OR14I1: variants seen among roughly 807,000 people sequenced by gnomAD.
OR14I1 encodes olfactory receptor 14I1.
For synonymous variants in OR14I1, 118 were observed against 71.1 expected (o/e 1.66, Z -3.32); for missense variants, 279 against 181.8 (o/e 1.53, Z -3.07).
At chr1:248,678,539 A>G (rs1661512862), downstream of OR14I1, among the ~76,000 whole-genome samples, 1 of 152,246 alleles carries the variant, frequency 6.6e-6, no homozygotes, top group South Asian at 2.1e-4. Context: ...ACAAACAGGA[A>G]GTCTCAAAGG....
At chr1:248,680,911 T>C (rs371687706), downstream of OR14I1, among the ~76,000 whole-genome samples, 51 of 152,088 alleles carry the variant, frequency 3.4e-4, no homozygotes, top group Non-Finnish European at 5.3e-4. Context: ...ATAACCCTTC[T>C]GCTTGTTTTA....
chr1:248,694,146 A>G, the OR14I1 span, among the ~76,000 whole-genome samples: 2 of 152,176 alleles, frequency 1.3e-5, no homozygotes, highest in African/African-American at 2.4e-5. Flanking sequence ...TAACCAGGTG[A>G]CCACTTGTTT....
At chr1:248,695,856 CACAAA>C in the OR14I1 span, among the ~76,000 whole-genome samples, 37 of 152,328 alleles carry the variant, frequency 2.4e-4, no homozygotes, top group Admixed American at 6.5e-4. Context: ...CTTTTACTTA[CACAAA>C]TGTGTCCTCA....
At chr1:248,689,977 A>G in the OR14I1 span, among the ~76,000 whole-genome samples, 18 of 152,362 alleles carry the variant, frequency 1.2e-4, 2 homozygotes, top group South Asian at 3.5e-3. Flanking sequence ...CTGAATGACT[A>G]CTAGGTAACT....
chr1:248,681,910 G>A (rs781171738), exon 1 of OR14I1: 2 of 781,048 alleles, frequency 2.6e-6, no homozygotes, highest in Admixed American at 3.4e-5. Context: ...TGTCATCACG[G>A]CTCTGTATTG....
chr1:248,697,854 T>C, the OR14I1 span, among the ~76,000 whole-genome samples: 2 of 152,236 alleles, frequency 1.3e-5, no homozygotes, highest in South Asian at 4.1e-4. Context: ...GTTGAAATTT[T>C]CAAAATAAGA....
downstream of OR14I1, among the ~76,000 whole-genome samples, chr1:248,679,353 C>T (rs59731000): frequency 0.14 from 21,406 of 151,380 alleles, 1,593 homozygotes; most frequent in African/African-American, 0.18. Flanking sequence ...AGAGGGCTTC[C>T]GTGATGGTGA....
At chr1:248,697,738 G>T in the OR14I1 span, among the ~76,000 whole-genome samples, 1 of 152,130 alleles carries the variant, frequency 6.6e-6, no homozygotes, top group East Asian at 1.9e-4. Context: ...AGCCGAGATT[G>T]CTCCACTGCA....
the OR14I1 span, among the ~76,000 whole-genome samples, chr1:248,699,716 C>G: frequency 2.6e-5 from 4 of 152,248 alleles, no homozygotes; most frequent in South Asian, 4.2e-4. Flanking sequence ...TGATCAAAAG[C>G]CAAGGTCCCT....
downstream of OR14I1, among the ~76,000 whole-genome samples, chr1:248,679,214 G>A (rs1205373236): frequency 6.6e-6 from 1 of 152,100 alleles, no homozygotes; most frequent in African/African-American, 2.4e-5. Flanking sequence ...AGCTGGGTGA[G>A]CACTACATAA....
chr1:248,685,989 G>A (rs1309259490), upstream of OR14I1, among the ~76,000 whole-genome samples: 1 of 151,808 alleles, frequency 6.6e-6, no homozygotes, highest in Non-Finnish European at 1.5e-5. Context: ...GCAAATTGAT[G>A]TGCATTTATT....
chr1:248,681,789 G>A lies in OR14I1; in HGVS notation c.516C>T (p.Ile172=), dbSNP rs547865309. 9 of 781,088 alleles carry A rather than the reference G, an allele frequency of 1.2e-5. No individual in the cohort carries two copies. In the South Asian group the frequency reaches 1.2e-4, roughly 10 times the overall value. The allele number at this position is 781,088 out of a possible 1,614,324, so 48.4% of individuals were successfully genotyped here. A position where few individuals can be genotyped will look rare whatever the true frequency, so the allele number is the denominator to read the frequency against. The change falls in exon 1 of 1, where the codon ATC becomes ATT. Residue 172 remains isoleucine, a synonymous_variant. Coordinates refer to ENST00000342623, the Ensembl canonical transcript of OR14I1. Reference sequence around the variant, plus strand: ...GAGGGATGTCACGGAAGAACTGGTGGATCACACTGGATCTGCAAACGTGCT... The same window carrying A: ...GAGGGATGTCACGGAAGAACTGGTGAATCACACTGGATCTGCAAACGTGCT...
At chr1:248,679,272 G>A (rs994862171), downstream of OR14I1, among the ~76,000 whole-genome samples, 13 of 152,110 alleles carry the variant, frequency 8.5e-5, no homozygotes, top group African/African-American at 3.1e-4. Context: ...AAAGTTCAAC[G>A]TAAGCATTAA....
At chr1:248,695,100 T>C in the OR14I1 span, among the ~76,000 whole-genome samples, 1 of 152,120 alleles carries the variant, frequency 6.6e-6, no homozygotes, top group Non-Finnish European at 1.5e-5. Flanking sequence ...ATGAGACATA[T>C]TGCTGAGAAA....
chr1:248,695,173 T>A, the OR14I1 span, among the ~76,000 whole-genome samples: 2 of 152,194 alleles, frequency 1.3e-5, no homozygotes, highest in African/African-American at 4.8e-5. Flanking sequence ...GTCTTTTAAT[T>A]TTCAAAATTA....
At chr1:248,685,920 A>C (rs1426076990), upstream of OR14I1, among the ~76,000 whole-genome samples, 2 of 152,000 alleles carry the variant, frequency 1.3e-5, no homozygotes, top group Admixed American at 6.6e-5. Context: ...ATAGGGATGC[A>C]AACATATTAT....
At chr1:248,687,303 T>C (rs1452672712), upstream of OR14I1, among the ~76,000 whole-genome samples, 1 of 152,264 alleles carries the variant, frequency 6.6e-6, no homozygotes, top group African/African-American at 2.4e-5. Context: ...CTAGTCAGTA[T>C]GCCACATGAG....
At chr1:248,696,460 G>T in the OR14I1 span, among the ~76,000 whole-genome samples, 1 of 152,176 alleles carries the variant, frequency 6.6e-6, no homozygotes, top group Non-Finnish European at 1.5e-5. Flanking sequence ...ACACTTGAAT[G>T]GAAGCGGGGA....
At chr1:248,682,102 T>C (rs1661577707) in exon 1 of OR14I1, 2 of 780,980 alleles carry the variant, frequency 2.6e-6, no homozygotes, top group Middle Eastern at 2.3e-4. Flanking sequence ...GTAGCACAGA[T>C]CCAAAACGGA....
Sources: gnomAD v4.1 joint callset for allele counts (sites outside exome capture counted in the v4.1 genomes callset) on GRCh38, gnomAD v4.1.1 for gene constraint, MANE v1.5 for transcripts, NCBI Gene and HGNC (gene_info 2026-07-23, HGNC 2026-07-21) for gene names.